SETD7: variants seen among roughly 807,000 people sequenced by gnomAD.
SETD7 encodes the protein SET domain containing 7, histone lysine methyltransferase.
Under a neutral mutation model 41.8 loss-of-function variants are expected in SETD7, and 16 were observed. The observed-to-expected ratio is 0.38, with a 90% confidence interval of 0.26 to 0.58. The LOEUF (loss-of-function observed/expected upper bound fraction) is 0.58, where lower values mean the gene tolerates loss of function less well. SETD7 is among the 20% of genes least tolerant of loss of function. The pLI is 0.64. For missense variants in SETD7, 346 were observed against 459.7 expected, an observed-to-expected ratio of 0.75 and a Z score of 2.26; for synonymous variants, 163 against 169.7, an observed-to-expected ratio of 0.96 and a Z score of 0.31.
chr4:139,516,884 T>G (rs897451657), intron 7 of SETD7, among the ~76,000 whole-genome samples: 2 of 152,136 alleles, frequency 1.3e-5, no homozygotes, highest in African/African-American at 2.4e-5. Flanking sequence ...GAGACCGCAG[T>G]GAGATCCCAT....
chr4:139,493,020 ATCC>A (rs1165233308), downstream of SETD7, among the ~76,000 whole-genome samples: 736 of 152,358 alleles, frequency 4.8e-3, 20 homozygotes, highest in Admixed American at 0.039. Flanking sequence ...TTAAACAAGC[ATCC>A]CTTATGTTTC....
At chr4:139,550,899 C>T (rs1728092515) in intron 1 of SETD7, among the ~76,000 whole-genome samples, 1 of 152,110 alleles carries the variant, frequency 6.6e-6, no homozygotes, top group African/African-American at 2.4e-5. Flanking sequence ...TGAGACTTGC[C>T]CAAGAGACAT....
chr4:139,536,795 G>C (rs982813403), intron 2 of SETD7, among the ~76,000 whole-genome samples: 5 of 151,866 alleles, frequency 3.3e-5, no homozygotes, highest in Non-Finnish European at 7.4e-5. Flanking sequence ...CTGAGGTCAG[G>C]AATTTGAAAC....
chr4:139,496,301 A>G, exon 8 of SETD7: 1 of 681,572 alleles, frequency 1.5e-6, no homozygotes, highest in South Asian at 1.6e-5. Flanking sequence ...CTATGTTCTG[A>G]CAATTGCCAT....
intron 1 of SETD7, among the ~76,000 whole-genome samples, chr4:139,549,177 T>C (rs927025095): frequency 1.3e-5 from 2 of 152,250 alleles, no homozygotes; most frequent in African/African-American, 4.8e-5. Context: ...AGAGCATTTA[T>C]TAACTTGTTG....
chr4:139,524,419 A>G (rs1000528195), intron 4 of SETD7, among the ~76,000 whole-genome samples: 1 of 152,330 alleles, frequency 6.6e-6, no homozygotes, highest in South Asian at 2.1e-4. Context: ...GAGCCCAGAC[A>G]CTGGCAAGAG....
chr4:139,528,053 T>C (rs1727379249), intron 4 of SETD7, among the ~76,000 whole-genome samples: 1 of 152,198 alleles, frequency 6.6e-6, no homozygotes, highest in African/African-American at 2.4e-5. Context: ...TAACCAAACC[T>C]GGCTCAGAAA....
intron 6 of SETD7, among the ~76,000 whole-genome samples, chr4:139,518,422 C>G (rs1443778265): frequency 5.3e-5 from 8 of 152,176 alleles, no homozygotes; most frequent in Admixed American, 3.3e-4. Context: ...AGCCACCACA[C>G]TCAGCCAAAA....
chr4:139,552,592 T>C (rs1728140203), intron 1 of SETD7, among the ~76,000 whole-genome samples: 1 of 152,160 alleles, frequency 6.6e-6, no homozygotes, highest in Non-Finnish European at 1.5e-5. Context: ...CAGTCCATGC[T>C]CTCAGCCTGC....
At chr4:139,535,738 C>T (rs1727620259) in intron 2 of SETD7, among the ~76,000 whole-genome samples, 1 of 152,124 alleles carries the variant, frequency 6.6e-6, no homozygotes, top group Non-Finnish European at 1.5e-5. Flanking sequence ...GAAAGCAAAT[C>T]TTACTGCGTT....
chr4:139,523,899 G>A (rs1311655110), intron 4 of SETD7, among the ~76,000 whole-genome samples: 1 of 152,200 alleles, frequency 6.6e-6, no homozygotes, highest in Admixed American at 6.5e-5. Flanking sequence ...AAGGAGAACA[G>A]CACTGCTTTT....
intron 3 of SETD7, among the ~76,000 whole-genome samples, chr4:139,529,591 CTAAG>C (rs1163103195): frequency 6.6e-6 from 1 of 152,144 alleles, no homozygotes; most frequent in Non-Finnish European, 1.5e-5. Flanking sequence ...GGAAATGTAA[CTAAG>C]TGTTATTTTT....
At chr4:139,540,703 G>A (rs1391814699) in intron 2 of SETD7, among the ~76,000 whole-genome samples, 1 of 152,196 alleles carries the variant, frequency 6.6e-6, no homozygotes, top group African/African-American at 2.4e-5. Flanking sequence ...CTTCTTGCAT[G>A]TCACAAAAAT....
At position 139,507,902 on chromosome 4, in the gene SETD7, A is replaced by C. The variant is rs1417580242; in HGVS notation, c.*3761T>G. The C allele has an allele frequency of 1.3e-5, 2 of 152,224 alleles. No individual in the cohort carries two copies. Among genetic ancestry groups the C allele is most frequent in the Non-Finnish European group, 2.9e-5 (2 of 68,036 alleles). The allele number at this position is 152,224 out of a possible 1,614,324, so 9.4% of individuals were successfully genotyped here. On this transcript the variant is annotated 3_prime_UTR_variant, in exon 8 of 8. Transcript: ENST00000274031. ...CAACATAGTTTTGCTTGTTTTTCTAAAACAAAAGATATCTGGATTCTAAGT... is the reference window on the plus strand; with the variant it reads ...CAACATAGTTTTGCTTGTTTTTCTACAACAAAAGATATCTGGATTCTAAGT...
intron 7 of SETD7, among the ~76,000 whole-genome samples, chr4:139,513,670 C>T (rs1171069063): frequency 1.3e-5 from 2 of 152,202 alleles, no homozygotes; most frequent in Non-Finnish European, 2.9e-5. Context: ...TGATTCAACA[C>T]ATTTTTACTG....
intron 7 of SETD7, chr4:139,496,620 A>G: frequency 1.6e-6 from 1 of 618,486 alleles, no homozygotes; most frequent in East Asian, 2.7e-5. Context: ...GGAGACTTTT[A>G]GAAACCCAGC....
At chr4:139,500,603 G>A (rs1726550070) in intron 7 of SETD7, among the ~76,000 whole-genome samples, 1 of 152,170 alleles carries the variant, frequency 6.6e-6, no homozygotes, top group Non-Finnish European at 1.5e-5. Flanking sequence ...CCGCCTCCCA[G>A]TTTCAAGCGA....
intron 2 of SETD7, among the ~76,000 whole-genome samples, chr4:139,540,804 A>C (rs1005444226): frequency 2.0e-5 from 3 of 152,226 alleles, no homozygotes; most frequent in African/African-American, 7.2e-5. Flanking sequence ...TGTCAGGAAC[A>C]CAAAAGAAAC....
At chr4:139,502,234 C>T (rs970574841), downstream of SETD7, among the ~76,000 whole-genome samples, 1 of 152,134 alleles carries the variant, frequency 6.6e-6, no homozygotes, top group Non-Finnish European at 1.5e-5. Context: ...AACTAAAATC[C>T]CTGTCTATTC....
Sources: gnomAD v4.1 joint callset for allele counts (sites outside exome capture counted in the v4.1 genomes callset) on GRCh38, gnomAD v4.1.1 for gene constraint, MANE v1.5 for transcripts, NCBI Gene and HGNC (gene_info 2026-07-23, HGNC 2026-07-21) for gene names.